SOAT1: variants seen among roughly 807,000 people sequenced by gnomAD.
SOAT1 encodes acyl-coenzyme A:cholesterol acyltransferase 1.
In SOAT1, 55 loss-of-function variants were observed where a neutral mutation model predicts 69.5. That is an observed-to-expected ratio of 0.79 (90% confidence interval 0.64 to 0.99). SOAT1 has a LOEUF of 0.99. Ranked by LOEUF, SOAT1 falls within the 50% of genes least tolerant of loss-of-function variation. The pLI, the probability that SOAT1 is intolerant of heterozygous loss-of-function variation, is 0.00. For missense variants in SOAT1, 580 were observed against 669.3 expected (o/e 0.87, Z 1.47); for synonymous variants, 231 against 224.7 (o/e 1.03, Z -0.25).
At chr1:179,342,307 CT>C in intron 8 of SOAT1, 115 bp downstream of exon 8, 1 of 600,644 alleles carries the variant, frequency 1.7e-6, no homozygotes, top group Non-Finnish European at 2.9e-6. Flanking sequence ...CTCCCTCTCT[CT>C]TTTTCTCTTT....
intron 4 of SOAT1, among the ~76,000 whole-genome samples, chr1:179,337,163 C>G (rs762508974): frequency 5.9e-5 from 9 of 152,154 alleles, no homozygotes; most frequent in Non-Finnish European, 1.3e-4. Context: ...ATGCTCTTCT[C>G]AGTTTTATGC....
rs138396653 is a variant in SOAT1, at chr1:179,308,501, G to A, written c.118+5699G>A. 8.1e-3 allele frequency among the ~76,000 whole-genome samples: 1,224 copies of A among 151,920 alleles called. 14 individuals carry two copies. Among genetic ancestry groups the A allele is most frequent in the African/African-American group, 0.024 (993 of 41,420 alleles). On this transcript the variant is annotated intron_variant, in intron 2 of 15. Transcript: ENST00000367619. ...AGCCTGACCAACATGATAAAACCCTGTCTCTACTAAAAATACAAAAATCAG... is the reference window on the plus strand; with the variant it reads ...AGCCTGACCAACATGATAAAACCCTATCTCTACTAAAAATACAAAAATCAG...
intron 9 of SOAT1, among the ~76,000 whole-genome samples, chr1:179,343,222 A>T (rs1434999616): frequency 6.6e-6 from 1 of 151,396 alleles, no homozygotes; most frequent in Non-Finnish European, 1.5e-5. Context: ...ATTTTTTATT[A>T]ATTAATTAAT....
intron 10 of SOAT1, among the ~76,000 whole-genome samples, chr1:179,344,655 T>A (rs1333835898): frequency 6.6e-6 from 1 of 152,092 alleles, no homozygotes; most frequent in Non-Finnish European, 1.5e-5. Flanking sequence ...ATTACAAGCG[T>A]GAGCCACTGT....
intron 4 of SOAT1, among the ~76,000 whole-genome samples, chr1:179,336,470 CAAAAAA>C (rs71569242): frequency 1.3e-5 from 1 of 79,068 alleles, no homozygotes; most frequent in Non-Finnish European, 2.3e-5. Flanking sequence ...ACCCTGTCTC[CAAAAAA>C]AAAAAAAAAA....
At chr1:179,325,968 G>T (rs562574359) in intron 3 of SOAT1, among the ~76,000 whole-genome samples, 1 of 152,192 alleles carries the variant, frequency 6.6e-6, no homozygotes, top group Non-Finnish European at 1.5e-5. Flanking sequence ...GTGGACCCTG[G>T]TTTAGCTAGT....
Position 179,350,344 on chromosome 1 carries a change from G to A in SOAT1, c.1363G>A (p.Val455Ile). The change falls in exon 14 of 16, where the codon GTA (valine) becomes ATA (isoleucine). Residue 455 changes from valine (V) to isoleucine (I), a missense_variant. Val to Ile is a conservative substitution (Grantham distance 29). Transcript: ENST00000367619. ...TGCTGCCATGTTAGCTGTCTTTGCT[G>A]TATCTGCTGTAGTACACGAATATGC... ...KSAAMLAVFAVSAVVHEYALA... is the reference protein window; with the variant it reads ...KSAAMLAVFAISAVVHEYALA... 2.5e-6 allele frequency: 4 copies of A among 1,613,916 alleles called. No individual in the cohort carries two copies. Among genetic ancestry groups the A allele is most frequent in the Non-Finnish European group, 3.4e-6 (4 of 1,179,910 alleles).
chr1:179,331,996 G>A (rs910120517), intron 3 of SOAT1, among the ~76,000 whole-genome samples: 3 of 152,010 alleles, frequency 2.0e-5, no homozygotes, highest in Admixed American at 2.0e-4. Flanking sequence ...TGTGATCAAG[G>A]GACCTACTTT....
At chr1:179,324,671 T>C (rs1665716969) in intron 3 of SOAT1, among the ~76,000 whole-genome samples, 1 of 152,254 alleles carries the variant, frequency 6.6e-6, no homozygotes, top group Non-Finnish European at 1.5e-5. Flanking sequence ...GAATGTCTTT[T>C]CCAATTAGTG....
At chr1:179,351,508 C>CT (rs2125005814) in intron 15 of SOAT1, 46 bp downstream of exon 15, 2 of 1,594,622 alleles carry the variant, frequency 1.3e-6, no homozygotes, top group East Asian at 4.5e-5. Context: ...TGTTTATTCT[C>CT]TGTTTGTGAG....
rs577694735 is a variant in SOAT1, at chr1:179,313,841, C to G, written c.119-9596C>G. Reference sequence around the variant, plus strand: ...TCCGGTGATCTGCCTGCCTCGGCCTCCCAAAGTACTGGGATTACAGGTGTG... The same window carrying G: ...TCCGGTGATCTGCCTGCCTCGGCCTGCCAAAGTACTGGGATTACAGGTGTG... On this transcript the variant is annotated intron_variant, in intron 2 of 15. Transcript: ENST00000367619. Among the ~76,000 whole-genome samples the G allele has an allele frequency of 3.9e-5, 6 of 152,254 alleles. No homozygotes were observed. In the South Asian group the frequency reaches 1.2e-3, roughly 32 times the overall value.
intron 2 of SOAT1, among the ~76,000 whole-genome samples, chr1:179,307,673 A>G (rs1377534354): frequency 1.3e-5 from 2 of 152,200 alleles, no homozygotes; most frequent in Non-Finnish European, 2.9e-5. Context: ...ACCTGTGTGA[A>G]TGATTTTGGA....
chr1:179,309,289 G>A lies in SOAT1; in HGVS notation c.118+6487G>A, dbSNP rs150785425. Among the ~76,000 whole-genome samples the A allele has an allele frequency of 5.9e-3, 899 of 152,206 alleles. 9 individuals are homozygous for A. The highest frequency in any genetic ancestry group is 0.02 in the African/African-American group (845 of 41,524). On this transcript the variant is annotated intron_variant, in intron 2 of 15. Transcript: ENST00000367619. Reference sequence around the variant, plus strand: ...AGTAGAGATGGGGTTTCACCATGTTGGTCAGGCTGGTCTCGAACTCCTGAC... The same window carrying A: ...AGTAGAGATGGGGTTTCACCATGTTAGTCAGGCTGGTCTCGAACTCCTGAC...
chr1:179,337,860 A>C lies in SOAT1; in HGVS notation c.353A>C (p.Gln118Pro), dbSNP rs772475749. The C allele has an allele frequency of 4.4e-5, 71 of 1,610,828 alleles. No homozygotes were observed. The highest frequency in any genetic ancestry group is 5.7e-5 in the Non-Finnish European group (67 of 1,178,462). ...AGGGATTTGAGAGCACCTCCAGAAC[A>C]AGGAAAGATTTTTATTGCAAGGCGC... ...RAKDLRAPPEQGKIFIARRSL... is the reference protein window; with the variant it reads ...RAKDLRAPPEPGKIFIARRSL... Residue 118 changes from glutamine (Q) to proline (P), a missense_variant, in exon 5 of 16, where the codon CAA becomes CCA. Gln to Pro is a moderately conservative substitution (Grantham distance 76). Transcript: ENST00000367619.
At position 179,356,867 on chromosome 1, in the gene SOAT1, T is replaced by A. The variant is rs572931464; in HGVS notation, c.*3226T>A. On this transcript the variant is annotated 3_prime_UTR_variant, in exon 16 of 16. Transcript: ENST00000367619. ...GCTAATTTATTTGTTTTTTTTTTTT[T>A]AGAGATGGGGGGGGTCTCCCTATGT... The A allele has an allele frequency of 6.9e-6, 1 of 145,478 alleles. No homozygotes were observed. The highest frequency in any genetic ancestry group is 2.0e-4 in the East Asian group (1 of 5,044). 9.0% of individuals were successfully genotyped at this position (145,478 alleles called of 1,614,324 possible). A position where few individuals can be genotyped will look rare whatever the true frequency, so the allele number is the denominator to read the frequency against.
chr1:179,298,635 T>A (rs1449137371), intron 1 of SOAT1, among the ~76,000 whole-genome samples: 1 of 152,182 alleles, frequency 6.6e-6, no homozygotes, highest in Admixed American at 6.5e-5. Flanking sequence ...CCGGGCTAAA[T>A]GTTTTTTGGG....
rs1277880240 is a variant in SOAT1, at chr1:179,341,206, C to G, written c.676C>G (p.Leu226Val). The G allele has an allele frequency of 3.7e-6, 6 of 1,614,014 alleles. No homozygotes were observed. The highest frequency in any genetic ancestry group is 4.2e-6 in the Non-Finnish European group (5 of 1,180,030). The change falls in exon 7 of 16, where the codon CTT becomes GTT. Residue 226 changes from leucine to valine, a missense_variant. By Grantham distance (32) the Leu-to-Val change is conservative. Transcript: ENST00000367619. ...GATCCGTTCTCTCTTCCATGGCTTT[C>G]TTTTCATGATCTTCCAGATTGGAGT... ...PLIRSLFHGF[L>V]FMIFQIGVLG...
intron 3 of SOAT1, among the ~76,000 whole-genome samples, chr1:179,332,672 A>G (rs1312611659): frequency 6.6e-6 from 1 of 152,222 alleles, no homozygotes; most frequent in Non-Finnish European, 1.5e-5. Context: ...TAAGCAAATT[A>G]GAAAGACTAT....
chr1:179,352,834 A>C (rs1666780948), intron 15 of SOAT1, among the ~76,000 whole-genome samples: 2 of 151,702 alleles, frequency 1.3e-5, no homozygotes, highest in South Asian at 4.1e-4. Flanking sequence ...ATTTCATATT[A>C]ATCTCCTTTG....
Sources: allele counts gnomAD v4.1 joint callset (sites outside exome capture counted in the v4.1 genomes callset), GRCh38; gene constraint gnomAD v4.1.1; transcripts MANE v1.5; gene names NCBI Gene and HGNC (gene_info 2026-07-23, HGNC 2026-07-21).